The following COG6 variants were observed in gnomAD, a reference collection of about 807,000 sequenced individuals.
COG6 encodes conserved oligomeric Golgi complex subunit 6.
A neutral mutation model predicts 88.8 loss-of-function variants in COG6; 74 were observed. The ratio of observed to expected loss-of-function variants is 0.83; its 90% CI spans 0.69 to 1.01. The LOEUF (loss-of-function observed/expected upper bound fraction) is 1.01. Ranked by LOEUF, COG6 falls within the 50% of genes least tolerant of loss-of-function variation. The pLI is 0.00. For synonymous variants in COG6, 286 were observed against 278.7 expected, an observed-to-expected ratio of 1.03 and a Z score of -0.26; for missense variants, 800 against 797.9, an observed-to-expected ratio of 1.00 and a Z score of -0.03.
At chr13:39,725,703 A>G (rs1339823400) in intron 17 of COG6, among the ~76,000 whole-genome samples, 1 of 137,318 alleles carries the variant, frequency 7.3e-6, no homozygotes, top group Non-Finnish European at 1.7e-5. Flanking sequence ...TGAAACAAAA[A>G]CATAGTAGCA....
intron 18 of COG6, among the ~76,000 whole-genome samples, chr13:39,748,329 T>A (rs1188458289): frequency 6.6e-6 from 1 of 152,060 alleles, no homozygotes; most frequent in African/African-American, 2.4e-5. Context: ...AAAAAATATC[T>A]CCAGGCTGGG....
chr13:39,711,472 G>T (rs1355317842), intron 13 of COG6, among the ~76,000 whole-genome samples: 1 of 152,148 alleles, frequency 6.6e-6, no homozygotes, highest in Non-Finnish European at 1.5e-5. Flanking sequence ...GTGACCTTTG[G>T]AGTCAATGCT....
At chr13:39,685,871 G>GTAT (rs5803005) in intron 8 of COG6, among the ~76,000 whole-genome samples, 1 of 151,750 alleles carries the variant, frequency 6.6e-6, no homozygotes, top group Non-Finnish European at 1.5e-5. Context: ...CCCCTTTTCT[G>GTAT]TAGTATGTCA....
intron 13 of COG6, among the ~76,000 whole-genome samples, chr13:39,702,765 A>G (rs977174841): frequency 1.3e-5 from 2 of 152,150 alleles, no homozygotes; most frequent in Non-Finnish European, 2.9e-5. Flanking sequence ...ATGTTATGAT[A>G]GTCTATTTTG....
intron 1 of COG6, 75 bp from the exon 2 acceptor site, chr13:39,659,289 A>G (rs1314607266): frequency 7.4e-7 from 1 of 1,354,268 alleles, no homozygotes; most frequent in African/African-American, 1.4e-5. Context: ...AAATGATTTC[A>G]TTACATTTTG....
rs886050227 is a variant in COG6, at chr13:39,694,708, T to G, written c.1149T>G (p.Phe383Leu). The change falls in exon 12 of 19, where the codon TTT becomes TTG. Residue 383 changes from phenylalanine to leucine, a missense_variant. Physicochemically the swap from Phe to Leu is conservative, Grantham distance 22. Coordinates refer to ENST00000455146, the MANE Select transcript of COG6 (RefSeq NM_020751.3). ...LLYKISNLLK[F>L]YHHTISGIVG... ...ATAAAATTTCTAATCTCCTCAAATTTTATCACCATACAATCAGGTAAGTAG... is the reference window on the plus strand; with the variant it reads ...ATAAAATTTCTAATCTCCTCAAATTGTATCACCATACAATCAGGTAAGTAG... 71 of 1,573,942 alleles carry G rather than the reference T, an allele frequency of 4.5e-5. No individual in the cohort carries two copies. Among genetic ancestry groups the G allele is most frequent in the Non-Finnish European group, 5.9e-5 (68 of 1,146,932 alleles).
At chr13:39,787,885 T>A (rs1241971819) in intron 18 of COG6, among the ~76,000 whole-genome samples, 1 of 152,202 alleles carries the variant, frequency 6.6e-6, no homozygotes. Flanking sequence ...ATCAGTGACT[T>A]GGGCATCTGT....
chr13:39,751,082 C>A lies in COG6; in HGVS notation c.1963C>A (p.Leu655Ile), dbSNP rs114044193. 1,950 of 1,613,596 alleles carry A rather than the reference C, an allele frequency of 1.2e-3. 24 individuals are homozygous for A. The African/African-American group carries it at 0.023, about 19-fold the overall frequency. ...CCGATCGCCGCAGCAAGTGCAGACG[C>A]TTCTTTCCTGATTATCTTATTTCAT... is the stretch of plus-strand genomic sequence containing the variant. ...LHRSPQQVQTLLS is the reference protein window; with the variant it reads ...LHRSPQQVQTILS Residue 655 changes from leucine (L) to isoleucine (I), a missense_variant, in exon 19 of 19, where the codon CTT (leucine) becomes ATT (isoleucine). Coordinates refer to ENST00000455146, the MANE Select transcript of COG6 (RefSeq NM_020751.3).
In COG6 at chr13:39,703,795, A is replaced by T. The variant is rs1016860612; in HGVS notation, c.1284+4177A>T. Among the ~76,000 whole-genome samples the T allele has an allele frequency of 4.6e-5, 7 of 152,058 alleles. No individual in the cohort carries two copies. In the East Asian group the frequency reaches 1.3e-3, roughly 29 times the overall value. On this transcript the variant is annotated intron_variant, in intron 13 of 18. Coordinates refer to ENST00000455146, the MANE Select transcript of COG6 (RefSeq NM_020751.3). ...CAACAGGGTCTTACTGTTGTTGCCC[A>T]GGATCGTAGCTCACTGCAGCCTTGA...
rs776108765 is a variant in COG6, at chr13:39,677,521, A to T, written c.482A>T (p.Gln161Leu). The change falls in exon 5 of 19, where the codon CAA (glutamine) becomes CTA (leucine). Residue 161 changes from glutamine to leucine, a missense_variant. By Grantham distance (113) the Gln-to-Leu change is moderately radical. Transcript: ENST00000455146. ...GCAGATGCCTTCTTATCCAAGTTCC[A>T]ACTGACTTCTGATGAAATGAGTCTT... ...QVADAFLSKF[Q>L]LTSDEMSLLR... 1.2e-6 allele frequency: 2 copies of T among 1,613,660 alleles called. No individual in the cohort carries two copies. Among genetic ancestry groups the T allele is most frequent in the Non-Finnish European group, 1.7e-6 (2 of 1,179,716 alleles).
intron 18 of COG6, among the ~76,000 whole-genome samples, chr13:39,746,363 C>G (rs1469682785): frequency 3.3e-5 from 5 of 151,998 alleles, no homozygotes; most frequent in African/African-American, 1.2e-4. Context: ...TGTGATTGAT[C>G]AAAATAGTAA....
chr13:39,759,035 A>C (rs1057386478), intron 18 of COG6, among the ~76,000 whole-genome samples: 2 of 152,230 alleles, frequency 1.3e-5, no homozygotes, highest in Admixed American at 6.5e-5. Context: ...CCACAGAGAC[A>C]TATAAGTAGA....
At chr13:39,683,545 CATAAG>C (rs373353221) in intron 8 of COG6, among the ~76,000 whole-genome samples, 5 of 152,146 alleles carry the variant, frequency 3.3e-5, no homozygotes, top group African/African-American at 9.7e-5. Context: ...TGTGCATATA[CATAAG>C]ATAAGTTAAT....
In COG6 at chr13:39,744,611, C is replaced by CA. The variant is rs1307843820; in HGVS notation, c.1827-6332dup. ...CTGCTCAACAAAATAAAAGAGGACACAAACAAATGGAAGAACATTTCATGC... is the reference window on the plus strand; with the variant it reads ...CTGCTCAACAAAATAAAAGAGGACACAAAACAAATGGAAGAACATTTCATGC... On this transcript the variant is annotated intron_variant, in intron 18 of 18. Coordinates refer to ENST00000455146, the MANE Select transcript of COG6 (RefSeq NM_020751.3). Among the ~76,000 whole-genome samples, 5 of 152,062 alleles carry CA rather than the reference C, an allele frequency of 3.3e-5. No individual in the cohort carries two copies. In the East Asian group the frequency reaches 7.7e-4, roughly 23 times the overall value.
chr13:39,788,448 T>G (rs1366930994), exon 19 of COG6: 1 of 1,251,182 alleles, frequency 8.0e-7, no homozygotes, highest in East Asian at 2.5e-5. Flanking sequence ...GGGGACTGGC[T>G]ATAGAAATGT....
chr13:39,783,999 G>A (rs182315711), intron 18 of COG6, among the ~76,000 whole-genome samples: 1 of 152,284 alleles, frequency 6.6e-6, no homozygotes, highest in Admixed American at 6.5e-5. Context: ...GATTCTGGGG[G>A]GAGAAAGTGT....
chr13:39,779,436 T>C (rs890715393), intron 18 of COG6, among the ~76,000 whole-genome samples: 2 of 152,216 alleles, frequency 1.3e-5, no homozygotes, highest in East Asian at 1.9e-4. Context: ...CTGGATACTG[T>C]TTTGCCTAGG....
intron 18 of COG6, among the ~76,000 whole-genome samples, chr13:39,757,727 T>C (rs1031224611): frequency 6.6e-6 from 1 of 151,882 alleles, no homozygotes; most frequent in Non-Finnish European, 1.5e-5. Context: ...AGAAGAAATA[T>C]AAAATCTGAA....
chr13:39,772,326 C>A (rs546788742), intron 18 of COG6, among the ~76,000 whole-genome samples: 4 of 152,274 alleles, frequency 2.6e-5, no homozygotes, highest in African/African-American at 9.6e-5. Context: ...CATCATAATT[C>A]TTTGCATATT....
Sources: gnomAD v4.1 joint callset for allele counts (sites outside exome capture counted in the v4.1 genomes callset) on GRCh38, gnomAD v4.1.1 for gene constraint, MANE v1.5 for transcripts, NCBI Gene and HGNC (gene_info 2026-07-23, HGNC 2026-07-21) for gene names.